The following BTRC variants were observed in gnomAD, a reference collection of about 807,000 sequenced individuals.
BTRC encodes the protein F-box/WD repeat-containing protein 1A.
In BTRC, 42 loss-of-function variants were observed where a neutral mutation model predicts 85.5. That is an observed-to-expected ratio of 0.49 (90% confidence interval 0.38 to 0.64). BTRC has a LOEUF of 0.64. Among genes scored for constraint, BTRC ranks in the 30% least tolerant of loss-of-function variants. The pLI, the probability that BTRC is intolerant of heterozygous loss-of-function variation, is 0.00. For missense variants in BTRC, 594 were observed against 743.5 expected (o/e 0.80, Z 2.34); for synonymous variants, 255 against 263.3 (o/e 0.97, Z 0.30).
At chr10:101,537,665 A>G (rs957026521) in intron 12 of BTRC, among the ~76,000 whole-genome samples, 5 of 152,270 alleles carry the variant, frequency 3.3e-5, no homozygotes, top group South Asian at 2.1e-4. Flanking sequence ...CTACACTGAT[A>G]CATTCATTAG....
At chr10:101,432,882 T>C (rs1944437570) in intron 2 of BTRC, among the ~76,000 whole-genome samples, 1 of 152,160 alleles carries the variant, frequency 6.6e-6, no homozygotes. Flanking sequence ...TTACCAACCA[T>C]GAAATTGACC....
chr10:101,366,950 A>T (rs1252637662), intron 1 of BTRC, among the ~76,000 whole-genome samples: 7 of 40,580 alleles, frequency 1.7e-4, no homozygotes, highest in East Asian at 4.2e-4. Flanking sequence ...ATATATATTT[A>T]TATATATATT....
chr10:101,437,187 A>G (rs1589465499), intron 2 of BTRC, among the ~76,000 whole-genome samples: 1 of 152,120 alleles, frequency 6.6e-6, no homozygotes, highest in East Asian at 1.9e-4. Context: ...CCTTCACCTT[A>G]GGGGTTTGCA....
intron 1 of BTRC, among the ~76,000 whole-genome samples, chr10:101,413,300 C>T (rs376991704): frequency 1.3e-5 from 2 of 151,176 alleles, no homozygotes; most frequent in Non-Finnish European, 3.0e-5. Context: ...CCCACCACCA[C>T]GCCTGGCTAA....
chr10:101,366,949 T>TATATATATTTATATATATTTATATATTA (rs1554862295), intron 1 of BTRC, among the ~76,000 whole-genome samples: 3 of 39,494 alleles, frequency 7.6e-5, no homozygotes, highest in South Asian at 5.2e-4. Context: ...TATATATATT[T>TATATATATTTATATATATTTATATATTA]ATATATATAT....
At chr10:101,415,496 G>T (rs201068479) in intron 1 of BTRC, among the ~76,000 whole-genome samples, 7,459 of 14,888 alleles carry the variant, frequency 0.5, 2,121 homozygotes, top group Middle Eastern at 0.88. Flanking sequence ...TTTATGTTAT[G>T]TTATGTTATG....
At chr10:101,481,945 A>G (rs774419860) in intron 4 of BTRC, among the ~76,000 whole-genome samples, 2 of 152,206 alleles carry the variant, frequency 1.3e-5, no homozygotes, top group Admixed American at 6.5e-5. Flanking sequence ...TGTCAAATAA[A>G]AACACATAGC....
At chr10:101,363,395 C>T (rs1350975448) in intron 1 of BTRC, among the ~76,000 whole-genome samples, 1 of 152,118 alleles carries the variant, frequency 6.6e-6, no homozygotes, top group African/African-American at 2.4e-5. Flanking sequence ...TTGGTAAATG[C>T]TAAAATAGAA....
intron 1 of BTRC, among the ~76,000 whole-genome samples, chr10:101,428,348 T>C (rs1010516111): frequency 2.6e-5 from 4 of 152,200 alleles, no homozygotes; most frequent in Non-Finnish European, 5.9e-5. Flanking sequence ...TCATGAATTA[T>C]TGATGAGAGT....
intron 1 of BTRC, among the ~76,000 whole-genome samples, chr10:101,429,509 CCCTCCCCT>C (rs1944344179): frequency 8.3e-6 from 1 of 120,156 alleles, no homozygotes; most frequent in Non-Finnish European, 1.7e-5. Context: ...TCCCCTCCCC[CCCTCCCCT>C]CCCTCCCTTC....
chr10:101,518,137 C>T (rs1356616462), intron 4 of BTRC, among the ~76,000 whole-genome samples: 1 of 152,004 alleles, frequency 6.6e-6, no homozygotes, highest in Non-Finnish European at 1.5e-5. Flanking sequence ...TGGTCTCGAT[C>T]TCCTGACCTC....
At chr10:101,548,700 C>T (rs1049267957) in intron 13 of BTRC, among the ~76,000 whole-genome samples, 4 of 151,482 alleles carry the variant, frequency 2.6e-5, no homozygotes, top group African/African-American at 4.9e-5. Flanking sequence ...TGCAGTGAGC[C>T]GAGATTGCAC....
At chr10:101,467,906 A>G (rs1163456263) in intron 3 of BTRC, among the ~76,000 whole-genome samples, 1 of 152,204 alleles carries the variant, frequency 6.6e-6, no homozygotes, top group African/African-American at 2.4e-5. Context: ...TAGTCCATGT[A>G]AAAGATCTTA....
intron 10 of BTRC, 39 bp from the exon 11 acceptor site, chr10:101,535,315 A>G (rs1335788620): frequency 6.7e-7 from 1 of 1,492,704 alleles, no homozygotes; most frequent in East Asian, 2.3e-5. Context: ...TACCAATAAA[A>G]GCACCAAATC....
chr10:101,495,918 A>G (rs1384895587), intron 4 of BTRC, among the ~76,000 whole-genome samples: 1 of 151,698 alleles, frequency 6.6e-6, no homozygotes, highest in Non-Finnish European at 1.5e-5. Context: ...TTAAGTCACT[A>G]CCCTTTCAAG....
intron 1 of BTRC, among the ~76,000 whole-genome samples, chr10:101,410,291 A>AT (rs766531402): frequency 4.6e-5 from 7 of 151,758 alleles, no homozygotes; most frequent in African/African-American, 4.8e-5. Flanking sequence ...CGTGGTTTTG[A>AT]TTTTCATTTT....
chr10:101,405,951 C>T (rs1943608683), intron 1 of BTRC, among the ~76,000 whole-genome samples: 1 of 152,112 alleles, frequency 6.6e-6, no homozygotes, highest in African/African-American at 2.4e-5. Context: ...TAAATCATTA[C>T]ATCAAGTTTA....
chr10:101,440,678 T>C (rs1944656118), intron 2 of BTRC, among the ~76,000 whole-genome samples: 1 of 151,832 alleles, frequency 6.6e-6, no homozygotes, highest in South Asian at 2.1e-4. Context: ...GCCGAAATCA[T>C]ATCACTACAC....
At chr10:101,460,840 A>T (rs141499751) in intron 2 of BTRC, among the ~76,000 whole-genome samples, 43 of 152,362 alleles carry the variant, frequency 2.8e-4, no homozygotes, top group African/African-American at 1.0e-3. Context: ...CTACAAATAA[A>T]CTAACCCTCC....
Sources: allele counts gnomAD v4.1 joint callset (sites outside exome capture counted in the v4.1 genomes callset), GRCh38; gene constraint gnomAD v4.1.1; transcripts MANE v1.5; gene names NCBI Gene and HGNC (gene_info 2026-07-23, HGNC 2026-07-21).